The following CLMP variants were observed in gnomAD, a reference collection of about 807,000 sequenced individuals.
The protein encoded by CLMP is CXADR-like membrane protein.
Under a neutral mutation model 45.2 loss-of-function variants are expected in CLMP, and 27 were observed. The ratio of observed to expected loss-of-function variants is 0.60; its 90% CI spans 0.44 to 0.82. The LOEUF is 0.82. Ranked by LOEUF, CLMP falls within the 40% of genes least tolerant of loss-of-function variation. The probability of loss-of-function intolerance (pLI) is 0.00; values close to 1 mark genes in which losing one functional copy is unlikely to be tolerated. For missense variants in CLMP, 403 were observed against 448.4 expected (o/e 0.90, Z 0.91); for synonymous variants, 167 against 171.4 (o/e 0.97, Z 0.20).
intron 2 of CLMP, among the ~76,000 whole-genome samples, chr11:123,097,254 C>T (rs1425939167): frequency 6.6e-6 from 1 of 152,142 alleles, no homozygotes; most frequent in Non-Finnish European, 1.5e-5. Flanking sequence ...CAGCCTGGCA[C>T]TCCTGGGCTC....
At chr11:123,079,888 G>C (rs927030655) in intron 5 of CLMP, among the ~76,000 whole-genome samples, 1 of 152,248 alleles carries the variant, frequency 6.6e-6, no homozygotes, top group Non-Finnish European at 1.5e-5. Flanking sequence ...CAGTTAAACA[G>C]ATGACCCCAG....
At chr11:123,121,202 CTGTT>C (rs1473373719) in intron 1 of CLMP, among the ~76,000 whole-genome samples, 7 of 149,504 alleles carry the variant, frequency 4.7e-5, no homozygotes, top group Admixed American at 4.0e-4. Flanking sequence ...TCTTTGTAGG[CTGTT>C]TGATTGTGGG....
At chr11:123,192,619 C>T (rs946559934) in intron 1 of CLMP, among the ~76,000 whole-genome samples, 3 of 152,224 alleles carry the variant, frequency 2.0e-5, no homozygotes, top group Admixed American at 6.5e-5. Context: ...TGAGCTGGAG[C>T]TCCTTCTCTC....
At chr11:123,088,833 A>T (rs1031399032) in intron 2 of CLMP, among the ~76,000 whole-genome samples, 4 of 152,154 alleles carry the variant, frequency 2.6e-5, no homozygotes, top group Non-Finnish European at 5.9e-5. Context: ...CATGTTGGTC[A>T]GGCTGGTCTC....
At chr11:123,137,443 C>G (rs77107960) in intron 1 of CLMP, among the ~76,000 whole-genome samples, 6,084 of 151,904 alleles carry the variant, frequency 0.04, 378 homozygotes, top group African/African-American at 0.14. Context: ...AGGAGCAAAG[C>G]CTGGTGGAGC....
intron 1 of CLMP, among the ~76,000 whole-genome samples, chr11:123,121,391 A>G (rs941439325): frequency 6.6e-6 from 1 of 152,026 alleles, no homozygotes; most frequent in African/African-American, 2.4e-5. Context: ...TCCACCTCCC[A>G]GGTTCAAGCA....
At chr11:123,105,482 G>GA (rs1860530877) in intron 1 of CLMP, among the ~76,000 whole-genome samples, 1 of 150,936 alleles carries the variant, frequency 6.6e-6, no homozygotes, top group Non-Finnish European at 1.5e-5. Context: ...CCAGGCTGGA[G>GA]TGCAGTGGCA....
intron 1 of CLMP, among the ~76,000 whole-genome samples, chr11:123,149,654 G>C (rs921099274): frequency 6.6e-6 from 1 of 152,156 alleles, no homozygotes; most frequent in African/African-American, 2.4e-5. Context: ...CCACCATAGG[G>C]ATGGAGTGCT....
chr11:123,127,562 C>T (rs1860914466), intron 1 of CLMP, among the ~76,000 whole-genome samples: 1 of 152,144 alleles, frequency 6.6e-6, no homozygotes, highest in South Asian at 2.1e-4. Flanking sequence ...GATAGTGATT[C>T]TACCCAAACT....
At position 123,086,741 on chromosome 11, in the gene CLMP, G is replaced by A. The variant is rs553137547; in HGVS notation, c.187-2028C>T. Among the ~76,000 whole-genome samples, 9 of 152,304 alleles carry A rather than the reference G, an allele frequency of 5.9e-5. No individual in the cohort carries two copies. The East Asian group carries it at 1.2e-3, about 20-fold the overall frequency. On this transcript the variant is annotated intron_variant, in intron 2 of 6. Transcript: ENST00000448775. Reference sequence around the variant, plus strand: ...CTAAATATTTGTGGGGGCCAGATGCGTGGTGGTTCACGCCTGTAATCCAAG... The same window carrying A: ...CTAAATATTTGTGGGGGCCAGATGCATGGTGGTTCACGCCTGTAATCCAAG...
At chr11:123,184,394 C>T (rs556670745) in intron 1 of CLMP, among the ~76,000 whole-genome samples, 3 of 152,138 alleles carry the variant, frequency 2.0e-5, no homozygotes, top group South Asian at 2.1e-4. Context: ...CGTGCCCAGC[C>T]GAAATAATAT....
At chr11:123,150,609 G>GGAAGGAAGGAAGGAAGGAAT (rs1565397784) in intron 1 of CLMP, among the ~76,000 whole-genome samples, 2 of 94,672 alleles carry the variant, frequency 2.1e-5, no homozygotes, top group African/African-American at 4.2e-5. Context: ...AAGGAATGAA[G>GGAAGGAAGGAAGGAAGGAAT]GAAGGAAGGA....
intron 1 of CLMP, among the ~76,000 whole-genome samples, chr11:123,173,398 A>G (rs1366391814): frequency 6.6e-6 from 1 of 152,244 alleles, no homozygotes; most frequent in African/African-American, 2.4e-5. Context: ...ACAGTCTTAC[A>G]TGAATGCATT....
rs1396335125 is a variant in CLMP, at chr11:123,073,288, T to C, written c.*186A>G. The C allele has an allele frequency of 1.6e-6, 1 of 636,728 alleles. No individual in the cohort carries two copies. 39.4% of individuals were successfully genotyped at this position (636,728 alleles called of 1,614,324 possible). ...GATGCCTTTTTACAGATGAATCAGC[T>C]TACATCCTTTTGCTTGTTTGGTATT... On this transcript the variant is annotated 3_prime_UTR_variant, in exon 7 of 7. Transcript: ENST00000448775.
intron 1 of CLMP, among the ~76,000 whole-genome samples, chr11:123,114,342 T>G (rs1016590670): frequency 1.3e-5 from 2 of 152,142 alleles, no homozygotes; most frequent in African/African-American, 2.4e-5. Flanking sequence ...GGTTTGAACT[T>G]CATCCCTGCT....
At chr11:123,145,314 T>A (rs1861220065) in intron 1 of CLMP, among the ~76,000 whole-genome samples, 1 of 152,148 alleles carries the variant, frequency 6.6e-6, no homozygotes, top group Non-Finnish European at 1.5e-5. Flanking sequence ...TGCCAACCTC[T>A]GTGACTCACA....
chr11:123,070,211 C>T lies in CLMP; in HGVS notation c.*3263G>A, dbSNP rs1865656823. The T allele has an allele frequency of 6.6e-6, 1 of 152,284 alleles. No individual in the cohort carries two copies. The highest frequency in any genetic ancestry group is 2.1e-4 in the South Asian group (1 of 4,826). 9.4% of individuals were successfully genotyped at this position (152,284 alleles called of 1,614,324 possible). A position where few individuals can be genotyped will look rare whatever the true frequency, so the allele number is the denominator to read the frequency against. ...TACAAACAGTTTTTCTTCTACTATT[C>T]GGTTATTTCTCCTTTTTTTGTTTCC... On this transcript the variant is annotated 3_prime_UTR_variant, in exon 7 of 7. Transcript: ENST00000448775.
rs869224079 is a variant in CLMP at position 123,076,991 on chromosome 11, CTTT to C, written c.680-2151_680-2149del. On this transcript the variant is annotated intron_variant, in intron 5 of 6. Transcript: ENST00000448775. ...TAATCAACAGAATTTGCTATTTATT[CTTT>C]TTTTTTTTTTTTTTTTTTTTTGAGA... Among the ~76,000 whole-genome samples the C allele has an allele frequency of 6.6e-3, 661 of 99,602 alleles. 5 individuals carry two copies. Among genetic ancestry groups the C allele is most frequent in the African/African-American group, 0.019 (489 of 25,352 alleles). 65.3% of individuals were successfully genotyped at this position (99,602 alleles called of 152,430 possible).
At position 123,149,184 on chromosome 11, in the gene CLMP, T is replaced by C. The variant is rs77794145; in HGVS notation, c.28+45729A>G. On this transcript the variant is annotated intron_variant, in intron 1 of 6. Transcript: ENST00000448775. Reference sequence around the variant, plus strand: ...TTCATCTGCAGAGCCCACTGAGCCATGCTAAGAAAGTGTTTACAGAATCTA... The same window carrying C: ...TTCATCTGCAGAGCCCACTGAGCCACGCTAAGAAAGTGTTTACAGAATCTA... 3.9e-3 allele frequency among the ~76,000 whole-genome samples: 599 copies of C among 152,278 alleles called. 3 individuals carry two copies. Among genetic ancestry groups the C allele is most frequent in the Non-Finnish European group, 5.3e-3 (363 of 68,032 alleles).
Sources: gnomAD v4.1 joint callset for allele counts (sites outside exome capture counted in the v4.1 genomes callset) on GRCh38, gnomAD v4.1.1 for gene constraint, MANE v1.5 for transcripts, NCBI Gene and HGNC (gene_info 2026-07-23, HGNC 2026-07-21) for gene names.